Variants in FOXP2 observed in about 807,000 individuals in gnomAD.
The protein encoded by FOXP2 is forkhead box protein P2.
Under a neutral mutation model 115.8 loss-of-function variants are expected in FOXP2, and 12 were observed. That is an observed-to-expected ratio of 0.10 (90% confidence interval 0.07 to 0.17). FOXP2 has a LOEUF of 0.17. FOXP2 is among the 10% of genes least tolerant of loss of function. The probability of loss-of-function intolerance (pLI) is 1.00; values close to 1 mark genes in which losing one functional copy is unlikely to be tolerated. For synonymous variants in FOXP2, 328 were observed against 297.7 expected (o/e 1.10, Z -1.05); for missense variants, 629 against 843.5 (o/e 0.75, Z 3.15).
chr7:114,104,116 T>C (rs973211423), intron 1 of FOXP2, among the ~76,000 whole-genome samples: 10 of 151,978 alleles, frequency 6.6e-5, no homozygotes, highest in Admixed American at 2.0e-4. Flanking sequence ...CTTTTTATGA[T>C]GGTGTACTTG....
chr7:114,194,904 ATTG>A (rs1793864051), intron 1 of FOXP2, among the ~76,000 whole-genome samples: 1 of 152,174 alleles, frequency 6.6e-6, no homozygotes, highest in African/African-American at 2.4e-5. Context: ...TTATAATGAA[ATTG>A]TTATTCTTTT....
At chr7:114,379,529 C>T (rs571208748) in intron 2 of FOXP2, among the ~76,000 whole-genome samples, 6 of 152,088 alleles carry the variant, frequency 3.9e-5, no homozygotes, top group South Asian at 2.1e-4. Flanking sequence ...GAGATTTTCT[C>T]GGGAGGGGTG....
At chr7:114,374,437 C>CA (rs979475874) in intron 2 of FOXP2, among the ~76,000 whole-genome samples, 2 of 151,986 alleles carry the variant, frequency 1.3e-5, no homozygotes, top group African/African-American at 4.8e-5. Context: ...TTAAACAAAT[C>CA]AAAAAAATAC....
chr7:114,622,378 A>G (rs1243251218), intron 3 of FOXP2, among the ~76,000 whole-genome samples: 1 of 151,904 alleles, frequency 6.6e-6, no homozygotes, highest in East Asian at 1.9e-4. Flanking sequence ...AATGTAAATG[A>G]ATGTGTGTGT....
At chr7:114,104,303 A>G (rs141863985) in intron 1 of FOXP2, among the ~76,000 whole-genome samples, 1 of 151,944 alleles carries the variant, frequency 6.6e-6, no homozygotes, top group Non-Finnish European at 1.5e-5. Context: ...GTTTTGTTAC[A>G]TTACTTACAG....
At chr7:114,317,527 C>T (rs933152360) in intron 2 of FOXP2, among the ~76,000 whole-genome samples, 2 of 151,746 alleles carry the variant, frequency 1.3e-5, no homozygotes, top group Non-Finnish European at 1.5e-5. Flanking sequence ...ATACTATCTC[C>T]ACATCTGCCA....
chr7:114,250,060 G>C (rs1021153366), intron 1 of FOXP2, among the ~76,000 whole-genome samples: 5 of 147,832 alleles, frequency 3.4e-5, no homozygotes, highest in Non-Finnish European at 7.4e-5. Flanking sequence ...TTGGTTTTTT[G>C]TCCTTGCAAT....
intron 1 of FOXP2, among the ~76,000 whole-genome samples, chr7:114,091,810 C>T (rs1799548441): frequency 6.6e-6 from 1 of 151,924 alleles, no homozygotes; most frequent in African/African-American, 2.4e-5. Flanking sequence ...TTAAAAAATA[C>T]ATTTTCTCCG....
chr7:114,678,156 A>G (rs964336432), intron 16 of FOXP2, among the ~76,000 whole-genome samples: 15 of 152,236 alleles, frequency 9.9e-5, no homozygotes, highest in Non-Finnish European at 1.6e-4. Context: ...GAAATTATTC[A>G]TATTTGACTT....
intron 2 of FOXP2, among the ~76,000 whole-genome samples, chr7:114,308,534 G>A (rs1227486568): frequency 1.3e-5 from 2 of 152,062 alleles, no homozygotes; most frequent in African/African-American, 4.8e-5. Flanking sequence ...CCCTTTTAAG[G>A]GACAGCTGCA....
At position 114,242,044 on chromosome 7, in the gene FOXP2, A is replaced by C. The variant is rs974401176; in HGVS notation, c.-101-45975A>C. On this transcript the variant is annotated intron_variant, in intron 1 of 17. Coordinates refer to the FOXP2 transcript ENST00000634411. ...TCTAGTAGCCTCTCCCTGACCCACT[A>C]ATCTCCAGCTATGGAGTGGGGAAAA... is the stretch of plus-strand genomic sequence containing the variant. 3.4e-5 allele frequency among the ~76,000 whole-genome samples: 5 copies of C among 148,872 alleles called. No individual in the cohort carries two copies. In the East Asian group the frequency reaches 9.8e-4, roughly 29 times the overall value.
In FOXP2 at chr7:114,442,788, A is replaced by G. The variant is rs747435906; in HGVS notation, c.168+16109A>G. ...AAGCGGGTGAATTTTATGGTATGTA[A>G]GTTGTACCTCAATACAGCTGTTTAT... On this transcript the variant is annotated intron_variant, in intron 2 of 16. Transcript: ENST00000350908. Among the ~76,000 whole-genome samples the G allele has an allele frequency of 8.5e-5, 13 of 152,246 alleles. No individual in the cohort carries two copies. The South Asian group carries it at 1.0e-3, about 12-fold the overall frequency.
chr7:114,640,573 T>C (rs1288613540), intron 6 of FOXP2, among the ~76,000 whole-genome samples: 1 of 152,184 alleles, frequency 6.6e-6, no homozygotes, highest in East Asian at 1.9e-4. Context: ...TATAGTGATA[T>C]CTAGATCAGG....
intron 2 of FOXP2, among the ~76,000 whole-genome samples, chr7:114,447,951 T>C (rs1794909139): frequency 1.3e-5 from 2 of 152,038 alleles, no homozygotes; most frequent in African/African-American, 2.4e-5. Context: ...TTCTAGCAGA[T>C]GAAAAAAAAG....
At chr7:114,682,748 G>A (rs1808160409) in intron 16 of FOXP2, among the ~76,000 whole-genome samples, 1 of 152,072 alleles carries the variant, frequency 6.6e-6, no homozygotes, top group South Asian at 2.1e-4. Flanking sequence ...ACTTCATTGT[G>A]TTCCATTTCT....
chr7:114,672,544 C>T (rs967905772), intron 16 of FOXP2, among the ~76,000 whole-genome samples: 6 of 151,812 alleles, frequency 4.0e-5, no homozygotes, highest in African/African-American at 1.2e-4. Flanking sequence ...GAGATCATGC[C>T]GCTGTGCTCC....
At chr7:114,412,015 T>G, upstream of FOXP2, among the ~76,000 whole-genome samples, 1 of 152,126 alleles carries the variant, frequency 6.6e-6, no homozygotes, top group East Asian at 1.9e-4. Flanking sequence ...CAAACTCAGG[T>G]GTCATAGTAC....
chr7:114,387,834 T>C (rs1792490159), intron 2 of FOXP2, among the ~76,000 whole-genome samples: 1 of 152,154 alleles, frequency 6.6e-6, no homozygotes, highest in African/African-American at 2.4e-5. Context: ...CATATTGCTG[T>C]TGAAAACAAT....
At chr7:114,651,642 T>C (rs1021356484) in intron 8 of FOXP2, among the ~76,000 whole-genome samples, 4 of 152,140 alleles carry the variant, frequency 2.6e-5, no homozygotes, top group Admixed American at 1.3e-4. Flanking sequence ...GTCAATCTTG[T>C]TATTCTAATG....
Sources: gnomAD v4.1 joint callset for allele counts (sites outside exome capture counted in the v4.1 genomes callset) on GRCh38, gnomAD v4.1.1 for gene constraint, MANE v1.5 for transcripts, NCBI Gene and HGNC (gene_info 2026-07-23, HGNC 2026-07-21) for gene names.